The following SRGAP2 variants were observed in gnomAD, a reference collection of about 807,000 sequenced individuals.
The protein encoded by SRGAP2 is SLIT-ROBO Rho GTPase activating protein 2.
In SRGAP2, 15 loss-of-function variants were observed where a neutral mutation model predicts 57.2. The ratio of observed to expected loss-of-function variants is 0.26; its 90% CI spans 0.18 to 0.40. SRGAP2 has a LOEUF of 0.40. Ranked by LOEUF, SRGAP2 falls within the 10% of genes least tolerant of loss-of-function variation. SRGAP2 has a pLI of 1.00. For synonymous variants in SRGAP2, 249 were observed against 248.0 expected (o/e 1.00, Z -0.04); for missense variants, 520 against 669.6 (o/e 0.78, Z 2.47).
intron 21 of SRGAP2, chr1:206,455,256 G>T (rs1663731107): frequency 1.8e-6 from 1 of 568,366 alleles, no homozygotes; most frequent in African/African-American, 1.9e-5. Flanking sequence ...CTGTGGAAGG[G>T]TGCTTTACTG....
At chr1:206,430,018 G>T in intron 13 of SRGAP2, 144 bp from the exon 14 acceptor site, 1 of 652,652 alleles carries the variant, frequency 1.5e-6, no homozygotes. Context: ...TTGTGCTCTG[G>T]AACTTGGAGG....
intron 2 of SRGAP2, among the ~76,000 whole-genome samples, chr1:206,283,754 AC>A (rs1285063090): frequency 1.4e-5 from 2 of 147,318 alleles, no homozygotes; most frequent in Non-Finnish European, 3.0e-5. Flanking sequence ...TAATGTCATT[AC>A]TTTTATAGAC....
intron 2 of SRGAP2, among the ~76,000 whole-genome samples, chr1:206,262,296 T>G (rs1669602594): frequency 6.7e-6 from 1 of 149,642 alleles, no homozygotes; most frequent in Non-Finnish European, 1.5e-5. Context: ...TACCATGCAG[T>G]GTTTTTGTTT....
chr1:206,313,585 G>A (rs1326937755), intron 3 of SRGAP2, among the ~76,000 whole-genome samples: 2 of 152,106 alleles, frequency 1.3e-5, no homozygotes, highest in Non-Finnish European at 2.9e-5. Context: ...GGAAGAAGTG[G>A]ACAAAGGTAG....
chr1:206,335,334 G>A (rs1172033677), intron 3 of SRGAP2, among the ~76,000 whole-genome samples: 1 of 152,098 alleles, frequency 6.6e-6, no homozygotes, highest in Admixed American at 6.6e-5. Flanking sequence ...TAACACATGG[G>A]ATGTAAACAA....
intron 2 of SRGAP2, among the ~76,000 whole-genome samples, chr1:206,234,561 T>C (rs531672888): frequency 1.6e-4 from 25 of 152,338 alleles, no homozygotes; most frequent in Middle Eastern, 3.4e-3. Flanking sequence ...TAGAAAACAG[T>C]GGGCTTCCTG....
At chr1:206,314,612 G>T (rs1457053632) in intron 3 of SRGAP2, among the ~76,000 whole-genome samples, 1 of 152,128 alleles carries the variant, frequency 6.6e-6, no homozygotes, top group Non-Finnish European at 1.5e-5. Context: ...TTTGGCTGTT[G>T]GTAGAGATTT....
chr1:206,322,968 A>G (rs1457466029), intron 3 of SRGAP2, among the ~76,000 whole-genome samples: 1 of 149,928 alleles, frequency 6.7e-6, no homozygotes, highest in African/African-American at 2.5e-5. Context: ...CTTTACAACA[A>G]CTCACTCTCT....
intron 3 of SRGAP2, among the ~76,000 whole-genome samples, chr1:206,311,267 G>T (rs1363305937): frequency 1.9e-4 from 29 of 152,140 alleles, no homozygotes; most frequent in Admixed American, 1.9e-3. Flanking sequence ...ACAATCAGCA[G>T]CATCTGCCAT....
chr1:206,307,481 G>GC, intron 3 of SRGAP2, among the ~76,000 whole-genome samples: 1 of 152,188 alleles, frequency 6.6e-6, no homozygotes, highest in African/African-American at 2.4e-5. Context: ...TGGTCGATGG[G>GC]ACTGGGCGCC....
At chr1:206,256,213 C>G (rs1314548125) in intron 2 of SRGAP2, among the ~76,000 whole-genome samples, 1 of 151,958 alleles carries the variant, frequency 6.6e-6, no homozygotes, top group East Asian at 1.9e-4. Flanking sequence ...CCCATTACCC[C>G]ACCCAAGAAG....
chr1:206,445,017 C>T (rs1444068906), intron 17 of SRGAP2, among the ~76,000 whole-genome samples: 1 of 152,216 alleles, frequency 6.6e-6, no homozygotes, highest in African/African-American at 2.4e-5. Flanking sequence ...GAGGGGTACA[C>T]TACAGAAACA....
In SRGAP2 at chr1:206,212,513, C is replaced by T. The variant is rs374780449; in HGVS notation, c.67+6476C>T. Among the ~76,000 whole-genome samples, 95 of 38,170 alleles carry T rather than the reference C, an allele frequency of 2.5e-3. 1 individual carries two copies. The East Asian group carries it at 0.042, about 17-fold the overall frequency. 25.0% of individuals were successfully genotyped at this position (38,170 alleles called of 152,430 possible). A position where few individuals can be genotyped will look rare whatever the true frequency, so the allele number is the denominator to read the frequency against. ...TTTAAGGTTTTAATATGTGCATTAG[C>T]TTGTATATTAGTATATTATTAATTA... On this transcript the variant is annotated intron_variant, in intron 2 of 22. Transcript: ENST00000573034.
At chr1:206,224,225 G>A (rs1470232124) in intron 2 of SRGAP2, among the ~76,000 whole-genome samples, 1 of 152,042 alleles carries the variant, frequency 6.6e-6, no homozygotes, top group Admixed American at 6.6e-5. Flanking sequence ...AGCAGCGAGG[G>A]AAGTGCATGT....
chr1:206,423,949 A>ATTTTTTTTTTT (rs782243765), intron 13 of SRGAP2, among the ~76,000 whole-genome samples: 1 of 87,742 alleles, frequency 1.1e-5, no homozygotes, highest in African/African-American at 4.2e-5. Context: ...TAATTTATGT[A>ATTTTTTTTTTT]TTTTTTTTTT....
intron 4 of SRGAP2, among the ~76,000 whole-genome samples, chr1:206,363,342 A>C (rs2102998172): frequency 6.6e-6 from 1 of 151,176 alleles, no homozygotes; most frequent in East Asian, 2.0e-4. Flanking sequence ...GAAAGATTGC[A>C]AAGTAGTCCA....
intron 20 of SRGAP2, 188 bp downstream of exon 20, chr1:206,453,568 G>T (rs912262659): frequency 2.7e-5 from 10 of 376,132 alleles, no homozygotes; most frequent in African/African-American, 1.6e-4. Flanking sequence ...ACTCAGTGGA[G>T]AATTTTTTTA....
chr1:206,332,391 T>A (rs1247079357), intron 3 of SRGAP2, among the ~76,000 whole-genome samples: 2 of 144,596 alleles, frequency 1.4e-5, no homozygotes, highest in African/African-American at 2.7e-5. Context: ...CTGGATAATA[T>A]CCTGCAGAGT....
chr1:206,412,016 A>C (rs1299838312), intron 10 of SRGAP2, among the ~76,000 whole-genome samples: 1 of 152,198 alleles, frequency 6.6e-6, no homozygotes, highest in African/African-American at 2.4e-5. Context: ...AAAAAATAGT[A>C]TTCTCATTTT....
Sources: allele counts gnomAD v4.1 joint callset (sites outside exome capture counted in the v4.1 genomes callset), GRCh38; gene constraint gnomAD v4.1.1; transcripts MANE v1.5; gene names NCBI Gene and HGNC (gene_info 2026-07-23, HGNC 2026-07-21).